Variants in HS1BP3 observed in about 807,000 individuals in gnomAD.
HS1BP3 encodes HCLS1-binding protein 3.
Under a neutral mutation model 33.5 loss-of-function variants are expected in HS1BP3, and 32 were observed. That is an observed-to-expected ratio of 0.95 (90% confidence interval 0.72 to 1.28). The LOEUF (loss-of-function observed/expected upper bound fraction) is 1.28, where lower values mean the gene tolerates loss of function less well. Among genes scored for constraint, HS1BP3 ranks in the 50% most tolerant of loss-of-function variants. The probability of loss-of-function intolerance (pLI) is 0.00; values close to 1 mark genes in which losing one functional copy is unlikely to be tolerated. For missense variants in HS1BP3, 486 were observed against 502.3 expected, an observed-to-expected ratio of 0.97 and a Z score of 0.31; for synonymous variants, 187 against 209.2, an observed-to-expected ratio of 0.89 and a Z score of 0.92.
intron 5 of HS1BP3, among the ~76,000 whole-genome samples, chr2:20,561,011 G>C (rs1692979504): frequency 1.3e-5 from 2 of 152,294 alleles, no homozygotes; most frequent in Admixed American, 1.3e-4. Flanking sequence ...AATCCAGAGA[G>C]AGCAGCCAGT....
At chr2:20,599,091 T>C (rs2149282106) in intron 2 of HS1BP3, among the ~76,000 whole-genome samples, 1 of 152,362 alleles carries the variant, frequency 6.6e-6, no homozygotes, top group East Asian at 1.9e-4. Context: ...TGGGGGCCTG[T>C]AGCCTGCTGG....
intron 2 of HS1BP3, among the ~76,000 whole-genome samples, chr2:20,599,576 T>G (rs533951058): frequency 1.3e-5 from 2 of 151,046 alleles, no homozygotes; most frequent in East Asian, 2.0e-4. Flanking sequence ...CCATTTTATT[T>G]TCAAGGAAAA....
At chr2:20,614,322 A>C (rs753247065), downstream of HS1BP3, among the ~76,000 whole-genome samples, 2 of 152,226 alleles carry the variant, frequency 1.3e-5, no homozygotes, top group Non-Finnish European at 2.9e-5. Flanking sequence ...CACCCAGTTT[A>C]TGGTGCTTTG....
At chr2:20,590,813 C>T (rs1465952878), downstream of HS1BP3, 1 of 167,074 alleles carries the variant, frequency 6.0e-6, no homozygotes, top group Non-Finnish European at 1.5e-5. Flanking sequence ...TTATTGTCTC[C>T]ACTTGGCATT....
At chr2:20,560,747 G>A (rs1016985520) in intron 5 of HS1BP3, among the ~76,000 whole-genome samples, 2 of 152,086 alleles carry the variant, frequency 1.3e-5, no homozygotes, top group African/African-American at 4.8e-5. Context: ...CCAACTCTCA[G>A]GCCTGGCTCT....
chr2:20,588,650 C>T (rs772311362), downstream of HS1BP3, among the ~76,000 whole-genome samples: 5 of 152,220 alleles, frequency 3.3e-5, no homozygotes, highest in Admixed American at 6.5e-5. Flanking sequence ...TTTCTGCTGG[C>T]GGCTCACAAG....
chr2:20,628,634 CAA>C (rs113028995), intron 4 of HS1BP3, among the ~76,000 whole-genome samples: 9 of 137,638 alleles, frequency 6.5e-5, no homozygotes, highest in Admixed American at 1.4e-4. Context: ...GACTTTGTCT[CAA>C]AAAAAAAAAA....
At chr2:20,640,928 C>T (rs753674943) in intron 3 of HS1BP3, 45 bp downstream of exon 3, 3 of 1,593,602 alleles carry the variant, frequency 1.9e-6, no homozygotes, top group Non-Finnish European at 1.7e-6. Flanking sequence ...GGGCCTAGTT[C>T]TGGGCCGGGG....
chr2:20,606,855 C>A lies in HS1BP3; in HGVS notation c.179-8590G>T, dbSNP rs147830307. ...TCTTTATATATTCTAGACACTAGAT[C>A]CTTAAACGATATATGGTTTGCAAAC... On this transcript the variant is annotated intron_variant, in intron 2 of 3. Coordinates refer to the HS1BP3 transcript ENST00000415264. 7.1e-3 allele frequency among the ~76,000 whole-genome samples: 1,074 copies of A among 152,196 alleles called. 15 individuals are homozygous for A. Among genetic ancestry groups the A allele is most frequent in the African/African-American group, 0.024 (998 of 41,506 alleles).
At chr2:20,614,919 A>G (rs889929164), downstream of HS1BP3, among the ~76,000 whole-genome samples, 12 of 152,238 alleles carry the variant, frequency 7.9e-5, no homozygotes, top group Non-Finnish European at 1.8e-4. Flanking sequence ...CAGGAGTGAG[A>G]GGCCAGCCAC....
intron 5 of HS1BP3, among the ~76,000 whole-genome samples, chr2:20,579,132 A>G (rs1396122002): frequency 2.6e-5 from 4 of 152,244 alleles, no homozygotes; most frequent in Non-Finnish European, 4.4e-5. Context: ...GAAACTCTAC[A>G]GGACACAGCT....
chr2:20,585,093 C>T (rs1055851471), intron 5 of HS1BP3, among the ~76,000 whole-genome samples: 2 of 152,186 alleles, frequency 1.3e-5, no homozygotes, highest in African/African-American at 2.4e-5. Flanking sequence ...AAGGGCACAG[C>T]GTGGCGAGGC....
At chr2:20,623,546 T>G in intron 6 of HS1BP3, 1 of 170,686 alleles carries the variant, frequency 5.9e-6, no homozygotes, top group Non-Finnish European at 1.2e-5. Flanking sequence ...CATGAGTCCG[T>G]TTAATTTGTT....
downstream of HS1BP3, chr2:20,592,359 C>G (rs1240366647): frequency 3.0e-5 from 5 of 164,810 alleles, no homozygotes; most frequent in Non-Finnish European, 5.9e-5. Flanking sequence ...TCCTACTTCC[C>G]CTTTCGGGCC....
chr2:20,628,877 C>A (rs1456679396), intron 4 of HS1BP3, among the ~76,000 whole-genome samples: 1 of 152,042 alleles, frequency 6.6e-6, no homozygotes, highest in African/African-American at 2.4e-5. Context: ...AACCCAGATT[C>A]CTCTTGGTGA....
At chr2:20,622,590 C>T (rs560246239) in intron 6 of HS1BP3, 274 of 327,646 alleles carry the variant, frequency 8.4e-4, no homozygotes, top group Non-Finnish European at 1.4e-3. Context: ...TTTGACCACC[C>T]CACTGTACCA....
intron 4 of HS1BP3, 154 bp downstream of exon 4, chr2:20,638,282 C>A: frequency 1.5e-6 from 1 of 683,050 alleles, no homozygotes; most frequent in Non-Finnish European, 2.5e-6. Flanking sequence ...AGCTACTTCC[C>A]CCAACACACC....
chr2:20,650,245 A>G (rs1205310116), intron 1 of HS1BP3, among the ~76,000 whole-genome samples: 1 of 152,180 alleles, frequency 6.6e-6, no homozygotes, highest in Non-Finnish European at 1.5e-5. Flanking sequence ...TTAGCCTAAG[A>G]CTTTGTGTAG....
At chr2:20,561,819 A>G (rs1693004255) in intron 5 of HS1BP3, among the ~76,000 whole-genome samples, 1 of 152,070 alleles carries the variant, frequency 6.6e-6, no homozygotes, top group Non-Finnish European at 1.5e-5. Flanking sequence ...ATGACTGGTG[A>G]CTCATGACTT....
Sources: gnomAD v4.1 joint callset for allele counts (sites outside exome capture counted in the v4.1 genomes callset) on GRCh38, gnomAD v4.1.1 for gene constraint, MANE v1.5 for transcripts, NCBI Gene and HGNC (gene_info 2026-07-23, HGNC 2026-07-21) for gene names.